Variants in KCNQ1 observed in about 807,000 individuals in gnomAD.
The protein encoded by KCNQ1 is potassium voltage-gated channel subfamily Q member 1.
A neutral mutation model predicts 72.4 loss-of-function variants in KCNQ1; 49 were observed. That is an observed-to-expected ratio of 0.68 (90% CI 0.54 to 0.86). The LOEUF is 0.86. KCNQ1 is among the 40% of genes least tolerant of loss of function. The pLI, the probability that KCNQ1 is intolerant of heterozygous loss-of-function variation, is 0.00. For synonymous variants in KCNQ1, 450 were observed against 412.6 expected (o/e 1.09, Z -1.10); for missense variants, 790 against 945.1 (o/e 0.84, Z 2.15).
intron 1 of KCNQ1, among the ~76,000 whole-genome samples, chr11:2,453,205 C>T (rs994550717): frequency 1.3e-5 from 2 of 152,166 alleles, no homozygotes; most frequent in Admixed American, 6.5e-5. Context: ...GAAACCCTGT[C>T]TCTACTAAAA....
rs1590053661 is a variant in KCNQ1 at position 2,723,567 on chromosome 11, AG to A, written c.1515-45276del. 6.6e-6 allele frequency among the ~76,000 whole-genome samples: 1 copy of A among 152,320 alleles called. No individual in the cohort carries two copies. The highest frequency in any genetic ancestry group is 1.9e-4 in the East Asian group (1 of 5,182). The stretch of plus-strand genomic sequence containing the variant: ...TGGGCCTGGAGGCAGTGGCATTTAG[AG>A]AGGACCCTGAAGTCCAAAGAGGGGA... On this transcript the variant is annotated intron_variant, in intron 11 of 15. Transcript: ENST00000155840. This position sits in a 1 kb window ranked among gnomAD's most constrained non-coding sequence, Gnocchi z 4.2.
At chr11:2,812,443 A>C (rs568879731) in intron 15 of KCNQ1, among the ~76,000 whole-genome samples, 268 of 152,246 alleles carry the variant, frequency 1.8e-3, no homozygotes, top group African/African-American at 6.3e-3. Flanking sequence ...ACACATTTGC[A>C]TCACAGCCTG....
intron 11 of KCNQ1, among the ~76,000 whole-genome samples, chr11:2,753,144 A>G (rs84178): frequency 0.88 from 133,461 of 152,256 alleles, 58,632 homozygotes; most frequent in East Asian, 0.94. Context: ...CCAGGTTGCG[A>G]GGAGCCTGGC....
Position 2,676,472 on chromosome 11 carries a change from A to C in KCNQ1, c.1514+14391A>C, listed in dbSNP as rs1850296621. ...CTGTTCTGCTCAGATTGTTAGCTGT[A>C]GTCTTTCTGGCATCAGTTCCATTTC... On this transcript the variant is annotated intron_variant, in intron 11 of 15. Coordinates refer to ENST00000155840, the MANE Select transcript of KCNQ1 (RefSeq NM_000218.3). This position sits in a 1 kb window ranked among gnomAD's most constrained non-coding sequence, Gnocchi z 4.2. The C allele has an allele frequency of 2.5e-5, 10 of 398,694 alleles. No homozygotes were observed. In the East Asian group the frequency reaches 3.6e-4, roughly 14 times the overall value. 24.7% of individuals were successfully genotyped at this position (398,694 alleles called of 1,614,324 possible).
chr11:2,695,543 A>G lies in KCNQ1; in HGVS notation c.1514+33462A>G, dbSNP rs1275216843. On this transcript the variant is annotated intron_variant, in intron 11 of 15. Coordinates refer to ENST00000155840, the MANE Select transcript of KCNQ1 (RefSeq NM_000218.3). This position sits in a 1 kb window ranked among gnomAD's most constrained non-coding sequence, Gnocchi z 5.2. The stretch of plus-strand genomic sequence containing the variant: ...TGACCAGCTCCAACTGCCCACCCCT[A>G]TGGGCCATGCTGCCCTGAGCATGCA... The G allele has an allele frequency of 3.3e-5, 13 of 398,310 alleles. No individual in the cohort carries two copies. Among genetic ancestry groups the G allele is most frequent in the Non-Finnish European group, 5.8e-5 (13 of 226,066 alleles). 24.7% of individuals were successfully genotyped at this position (398,310 alleles called of 1,614,324 possible).
At chr11:2,510,905 C>T (rs974076935) in intron 1 of KCNQ1, among the ~76,000 whole-genome samples, 11 of 152,346 alleles carry the variant, frequency 7.2e-5, no homozygotes, top group East Asian at 1.9e-4. Flanking sequence ...GGCTTCTGCA[C>T]GTGCAGTTTT....
At chr11:2,760,108 G>C (rs1846366091) in intron 11 of KCNQ1, among the ~76,000 whole-genome samples, 1 of 152,196 alleles carries the variant, frequency 6.6e-6, no homozygotes, top group Non-Finnish European at 1.5e-5. Context: ...CTGGCCCCTT[G>C]GGCAGCCCAG....
intron 15 of KCNQ1, among the ~76,000 whole-genome samples, chr11:2,847,464 CAGA>C (rs1298526484): frequency 3.7e-4 from 57 of 152,308 alleles, no homozygotes; most frequent in African/African-American, 1.3e-3. Flanking sequence ...GCCTGGGGAG[CAGA>C]GAAGGAGGAG....
chr11:2,791,912 C>T (rs574656430), intron 15 of KCNQ1, among the ~76,000 whole-genome samples: 1 of 152,364 alleles, frequency 6.6e-6, no homozygotes, highest in South Asian at 2.1e-4. Context: ...GCCGTCCCTG[C>T]ACGGAGCCGG....
chr11:2,636,957 T>C (rs1340493852), intron 10 of KCNQ1: 1 of 152,248 alleles, frequency 6.6e-6, no homozygotes, highest in East Asian at 1.9e-4. Context: ...TTCTAGATTT[T>C]CTAGTTTATT....
rs557209861 is a variant in KCNQ1, at chr11:2,703,247, C to T, written c.1514+41166C>T. On this transcript the variant is annotated intron_variant, in intron 11 of 15. Coordinates refer to ENST00000155840, the MANE Select transcript of KCNQ1 (RefSeq NM_000218.3). The surrounding 1 kb of genome is among the most constrained non-coding windows in gnomAD (Gnocchi z 6.4). ...GGTTGTGGAAGGCTTTGAAATTTGG[C>T]GCCTGCACCTTGTCACCTTCTTGGG... Among the ~76,000 whole-genome samples, 9 of 152,224 alleles carry T rather than the reference C, an allele frequency of 5.9e-5. No homozygotes were observed. In the South Asian group the frequency reaches 1.5e-3, roughly 25 times the overall value.
At chr11:2,573,180 G>A (rs527519087) in intron 6 of KCNQ1, among the ~76,000 whole-genome samples, 194 bp downstream of exon 6, 2 of 152,302 alleles carry the variant, frequency 1.3e-5, no homozygotes, top group South Asian at 4.1e-4. Context: ...GAGTCCTTTG[G>A]CATCACCATC....
At position 2,717,930 on chromosome 11, in the gene KCNQ1, C is replaced by T. The variant is rs896773640; in HGVS notation, c.1515-50914C>T. 3.3e-5 allele frequency among the ~76,000 whole-genome samples: 5 copies of T among 152,184 alleles called. No homozygotes were observed. In the East Asian group the frequency reaches 9.6e-4, roughly 29 times the overall value. On this transcript the variant is annotated intron_variant, in intron 11 of 15. Coordinates refer to ENST00000155840, the MANE Select transcript of KCNQ1 (RefSeq NM_000218.3). ...ATTAGCCCAGCATTTTAGGGGCTGCCGTGGTCATGGAGTAAAGACCACACC... is the reference window on the plus strand; with the variant it reads ...ATTAGCCCAGCATTTTAGGGGCTGCTGTGGTCATGGAGTAAAGACCACACC...
Position 2,827,736 on chromosome 11 carries a change from G to T in KCNQ1, c.1795-20031G>T, listed in dbSNP as rs1847868512. On this transcript the variant is annotated intron_variant, in intron 15 of 15. Transcript: ENST00000155840. This position sits in a 1 kb window ranked among gnomAD's most constrained non-coding sequence, Gnocchi z 6.7. ...TTGGAGGCCAGACCAGAAGGACTCA[G>T]ATAGGAGTTGGGCGCTTGAGGGAGG... 6.6e-6 allele frequency among the ~76,000 whole-genome samples: 1 copy of T among 152,214 alleles called. No individual in the cohort carries two copies. Among genetic ancestry groups the T allele is most frequent in the African/African-American group, 2.4e-5 (1 of 41,460 alleles).
chr11:2,571,495 C>A, intron 4 of KCNQ1, 92 bp downstream of exon 4: 1 of 1,050,116 alleles, frequency 9.5e-7, no homozygotes, highest in Non-Finnish European at 1.5e-6. Flanking sequence ...ATCCACCTTG[C>A]TCAGATGCAA....
intron 2 of KCNQ1, among the ~76,000 whole-genome samples, chr11:2,555,047 C>T (rs1451278014): frequency 1.3e-5 from 2 of 152,190 alleles, no homozygotes; most frequent in South Asian, 4.1e-4. Flanking sequence ...CTTTAATAAC[C>T]GCAGGCCTTC....
chr11:2,651,885 G>C lies in KCNQ1; in HGVS notation c.1394-10076G>C. 2.5e-6 allele frequency: 1 copy of C among 398,746 alleles called. No homozygotes were observed. The highest frequency in any genetic ancestry group is 4.4e-6 in the Non-Finnish European group (1 of 226,156). 24.7% of individuals were successfully genotyped at this position (398,746 alleles called of 1,614,324 possible). ...TTGAAGTAGTGTTCAGGCTGAGGGG[G>C]TCATAGCCGAGGGTCCCTCTGGGGC... On this transcript the variant is annotated intron_variant, in intron 10 of 15. Transcript: ENST00000155840. This position sits in a 1 kb window ranked among gnomAD's most constrained non-coding sequence, Gnocchi z 6.1.
At chr11:2,665,527 GA>G (rs1850051776) in intron 11 of KCNQ1, 2 of 393,496 alleles carry the variant, frequency 5.1e-6, no homozygotes, top group African/African-American at 4.3e-5. Context: ...CTGCCATCTA[GA>G]ATGCCCTTGT....
chr11:2,591,672 T>C (rs1848672477), intron 10 of KCNQ1, among the ~76,000 whole-genome samples: 1 of 152,234 alleles, frequency 6.6e-6, no homozygotes, highest in African/African-American at 2.4e-5. Context: ...GCCTGGTTAG[T>C]GTTATGAAGT....
Sources: gnomAD v4.1 joint callset for allele counts (sites outside exome capture counted in the v4.1 genomes callset) on GRCh38, gnomAD v4.1.1 for gene constraint, Gnocchi (gnomAD v3.1) non-coding constraint, MANE v1.5 for transcripts, NCBI Gene and HGNC (gene_info 2026-07-23, HGNC 2026-07-21) for gene names.